The following LRP1B variants were observed in gnomAD, a reference collection of about 807,000 sequenced individuals.
LRP1B encodes low-density lipoprotein receptor-related protein 1B.
LRP1B carries 217 observed loss-of-function variants against 556.6 expected under a neutral mutation model. The observed-to-expected ratio is 0.39, with a 90% CI of 0.35 to 0.44. The LOEUF is 0.44. Among genes scored for constraint, LRP1B ranks in the 20% least tolerant of loss-of-function variants. LRP1B has a pLI of 1.00. For synonymous variants in LRP1B, 2,047 were observed against 1,865.8 expected (o/e 1.10, Z -2.50); for missense variants, 5,053 against 5,620.8 (o/e 0.90, Z 3.23).
intron 5 of LRP1B, among the ~76,000 whole-genome samples, chr2:141,246,018 A>C (rs1459838829): frequency 6.6e-6 from 1 of 152,214 alleles, no homozygotes; most frequent in African/African-American, 2.4e-5. Flanking sequence ...GTACCGTCAT[A>C]ATGCTTATAT....
At chr2:140,355,126 T>C (rs1682150613) in intron 75 of LRP1B, among the ~76,000 whole-genome samples, 1 of 151,872 alleles carries the variant, frequency 6.6e-6, no homozygotes, top group South Asian at 2.1e-4. Flanking sequence ...AAGAATGTAG[T>C]GTGCAGGTTA....
chr2:141,314,064 A>G (rs533200086), intron 3 of LRP1B, among the ~76,000 whole-genome samples: 1 of 152,276 alleles, frequency 6.6e-6, no homozygotes, highest in African/African-American at 2.4e-5. Context: ...TACTTTTCTC[A>G]ACATTTTTAT....
chr2:140,723,496 G>A (rs1687487216), intron 35 of LRP1B, among the ~76,000 whole-genome samples: 1 of 152,070 alleles, frequency 6.6e-6, no homozygotes, highest in African/African-American at 2.4e-5. Context: ...GAGAGGAGAA[G>A]GGAAGGGAAC....
At chr2:140,929,552 C>A (rs913207346) in intron 20 of LRP1B, among the ~76,000 whole-genome samples, 2 of 151,948 alleles carry the variant, frequency 1.3e-5, no homozygotes, top group African/African-American at 4.8e-5. Context: ...TTGGATATAA[C>A]CTTATAGGCA....
At chr2:140,878,816 G>A (rs1337176119) in intron 25 of LRP1B, among the ~76,000 whole-genome samples, 1 of 151,920 alleles carries the variant, frequency 6.6e-6, no homozygotes, top group Non-Finnish European at 1.5e-5. Flanking sequence ...AGACCAGCCT[G>A]GCCAACATGG....
intron 6 of LRP1B, among the ~76,000 whole-genome samples, chr2:141,202,625 A>G (rs892757784): frequency 1.3e-5 from 2 of 151,710 alleles, no homozygotes; most frequent in East Asian, 3.9e-4. Context: ...CTGATGTGAG[A>G]TGGTATCTTA....
At chr2:141,252,866 A>G (rs1684314083) in intron 4 of LRP1B, among the ~76,000 whole-genome samples, 1 of 152,142 alleles carries the variant, frequency 6.6e-6, no homozygotes, top group African/African-American at 2.4e-5. Context: ...GAGTATAGAG[A>G]AAGTACAAAG....
intron 6 of LRP1B, among the ~76,000 whole-genome samples, chr2:141,209,648 C>G (rs1269385077): frequency 6.6e-6 from 1 of 152,034 alleles, no homozygotes; most frequent in African/African-American, 2.4e-5. Context: ...CCATGAAATC[C>G]TTTTTCCAAG....
chr2:140,761,751 T>C (rs745551527), intron 35 of LRP1B, among the ~76,000 whole-genome samples: 26 of 152,064 alleles, frequency 1.7e-4, no homozygotes, highest in Non-Finnish European at 2.5e-4. Flanking sequence ...TGAGACCACA[T>C]CTCTGTGCAA....
At chr2:141,437,836 G>T (rs1680820114) in intron 3 of LRP1B, among the ~76,000 whole-genome samples, 1 of 151,942 alleles carries the variant, frequency 6.6e-6, no homozygotes, top group Non-Finnish European at 1.5e-5. Context: ...TTATTTTACA[G>T]ATTTTTATAT....
At chr2:140,527,752 A>AT (rs1690498772) in intron 47 of LRP1B, among the ~76,000 whole-genome samples, 1 of 151,852 alleles carries the variant, frequency 6.6e-6, no homozygotes, top group Non-Finnish European at 1.5e-5. Flanking sequence ...TTCATATTCA[A>AT]TTTTTTTCAA....
At chr2:141,234,827 C>T (rs1208931771) in intron 5 of LRP1B, among the ~76,000 whole-genome samples, 1 of 151,932 alleles carries the variant, frequency 6.6e-6, no homozygotes, top group African/African-American at 2.4e-5. Context: ...GAAAGTATTA[C>T]AGTATTCAAA....
chr2:140,706,725 C>A (rs1173997878), intron 37 of LRP1B, among the ~76,000 whole-genome samples: 1 of 152,122 alleles, frequency 6.6e-6, no homozygotes, highest in African/African-American at 2.4e-5. Context: ...AAAGGCCTAG[C>A]AAACCCTTAA....
chr2:141,914,083 C>A (rs973789724), intron 1 of LRP1B, among the ~76,000 whole-genome samples: 1 of 152,110 alleles, frequency 6.6e-6, no homozygotes, highest in African/African-American at 2.4e-5. Context: ...GAGGGCACAG[C>A]CTCGGCTTTA....
chr2:141,187,002 A>C (rs1321339670), intron 7 of LRP1B, among the ~76,000 whole-genome samples: 1 of 152,062 alleles, frequency 6.6e-6, no homozygotes, highest in Non-Finnish European at 1.5e-5. Context: ...TCTGAAATTC[A>C]GTTATCACAT....
chr2:141,568,910 T>A (rs1056227922), intron 2 of LRP1B, among the ~76,000 whole-genome samples: 1 of 138,632 alleles, frequency 7.2e-6, no homozygotes, highest in Non-Finnish European at 1.6e-5. Flanking sequence ...TGTGCCACCA[T>A]GCCCAGTTAA....
In LRP1B at chr2:141,159,664, G is replaced by A. The variant is rs190449717; in HGVS notation, c.1013+28757C>T. 3.5e-4 allele frequency among the ~76,000 whole-genome samples: 53 copies of A among 152,228 alleles called. 1 individual carries two copies. Among genetic ancestry groups the A allele is most frequent in the African/African-American group, 1.2e-3 (50 of 41,536 alleles). Reference sequence around the variant, plus strand: ...CATCACTTTTTGGGGCTATTAACATGCTTAAAAAGTACAAGTTCTTCATAA... The same window carrying A: ...CATCACTTTTTGGGGCTATTAACATACTTAAAAAGTACAAGTTCTTCATAA... On this transcript the variant is annotated intron_variant, in intron 7 of 90. Transcript: ENST00000389484.
intron 3 of LRP1B, among the ~76,000 whole-genome samples, chr2:141,449,718 T>C (rs1573958219): frequency 6.6e-6 from 1 of 152,228 alleles, no homozygotes; most frequent in East Asian, 1.9e-4. Flanking sequence ...ATATTTTGTT[T>C]CAAGTTAAGT....
intron 1 of LRP1B, among the ~76,000 whole-genome samples, chr2:141,840,258 T>A (rs1163227845): frequency 3.3e-5 from 2 of 60,648 alleles, no homozygotes; most frequent in Non-Finnish European, 6.4e-5. Flanking sequence ...ACAAATTTCC[T>A]TTTTTTTTTT....
Sources: allele counts gnomAD v4.1 joint callset (sites outside exome capture counted in the v4.1 genomes callset), GRCh38; gene constraint gnomAD v4.1.1; transcripts MANE v1.5; gene names NCBI Gene and HGNC (gene_info 2026-07-23, HGNC 2026-07-21).